The following CSN2 variants were observed in gnomAD, a reference collection of about 807,000 sequenced individuals.
CSN2 encodes the protein beta-casein.
A neutral mutation model predicts 27.3 loss-of-function variants in CSN2; 27 were observed. The ratio of observed to expected loss-of-function variants is 0.99; its 90% CI spans 0.73 to 1.36. CSN2 has a LOEUF of 1.36. Ranked by LOEUF, CSN2 falls within the 40% of genes most tolerant of loss-of-function variation. The probability of loss-of-function intolerance (pLI) is 0.00; values close to 1 mark genes in which losing one functional copy is unlikely to be tolerated. For synonymous variants in CSN2, 131 were observed against 94.8 expected (o/e 1.38, Z -2.22); for missense variants, 333 against 264.5 (o/e 1.26, Z -1.80).
Position 69,960,990 on chromosome 4 carries a change from C to A in CSN2, c.6G>T (p.Lys2Asn), listed in dbSNP as rs775364490. 16 of 1,612,312 alleles carry A rather than the reference C, an allele frequency of 9.9e-6. No homozygotes were observed. Among genetic ancestry groups the A allele is most frequent in the East Asian group, 2.2e-5 (1 of 44,836 alleles). Residue 2 changes from lysine to asparagine, a missense_variant, in exon 2 of 8, where the codon AAG becomes AAT. Coordinates refer to ENST00000353151, the MANE Select transcript of CSN2 (RefSeq NM_001891.4). The stretch of plus-strand genomic sequence containing the variant: ...CCACCAGGCAGGCGAGGATGAGGAC[C>A]TTCATGGCTACTAAGTCCTGTGAAT... Reference protein sequence around the residue: MKVLILACLVAL... With the variant: MNVLILACLVAL...
At chr4:69,960,650 T>C (rs1483473743) in intron 2 of CSN2, among the ~76,000 whole-genome samples, 1 of 151,954 alleles carries the variant, frequency 6.6e-6, no homozygotes, top group Non-Finnish European at 1.5e-5. Context: ...ATCTTTGGAG[T>C]TGTATTTATG....
At chr4:69,955,626 T>C (rs1362422941) in intron 7 of CSN2, 34 bp from the exon 8 acceptor site, 2 of 152,532 alleles carry the variant, frequency 1.3e-5, no homozygotes, top group East Asian at 1.9e-4. Context: ...TAATTAGTTA[T>C]GTTATAACAC....
chr4:69,956,105 T>A (rs1171719297), intron 7 of CSN2, among the ~76,000 whole-genome samples: 1 of 152,016 alleles, frequency 6.6e-6, no homozygotes, highest in Non-Finnish European at 1.5e-5. Flanking sequence ...CTGTCAATAG[T>A]ACATAAATAA....
chr4:69,964,801 T>A (rs1218585117), intron 1 of CSN2, among the ~76,000 whole-genome samples: 2 of 149,582 alleles, frequency 1.3e-5, no homozygotes, highest in African/African-American at 4.9e-5. Flanking sequence ...ATAATTACAA[T>A]GCTAATTTAT....
intron 7 of CSN2, 126 bp from the exon 8 acceptor site, chr4:69,955,718 G>A (rs1723374745): frequency 6.6e-6 from 1 of 152,346 alleles, no homozygotes; most frequent in African/African-American, 2.4e-5. Flanking sequence ...ATTCTGTTGC[G>A]GTTTGGAGGC....
chr4:69,958,495 C>T (rs1056696579), intron 5 of CSN2, among the ~76,000 whole-genome samples: 3 of 151,862 alleles, frequency 2.0e-5, no homozygotes, highest in Admixed American at 2.0e-4. Flanking sequence ...TAATGAAATA[C>T]AGGATTTTGT....
At chr4:69,962,520 C>G (rs1247402726) in intron 1 of CSN2, among the ~76,000 whole-genome samples, 1 of 152,148 alleles carries the variant, frequency 6.6e-6, no homozygotes, top group Non-Finnish European at 1.5e-5. Flanking sequence ...GCTGGGAAAA[C>G]TGGCTAGCCA....
At chr4:69,957,216 T>C in intron 6 of CSN2, 58 bp downstream of exon 6, 1 of 1,426,186 alleles carries the variant, frequency 7.0e-7, no homozygotes, top group Non-Finnish European at 9.4e-7. Flanking sequence ...TATTCTTTTA[T>C]TCTACCATCA....
chr4:69,957,326 T>C lies in CSN2; in HGVS notation c.623A>G (p.His208Arg), dbSNP rs1473712704. ...TGGCTGAGTCACAGGGTAGATCTGGTGGGTGGGGTTAAGTAGAAGTTCTTG... is the reference window on the plus strand; with the variant it reads ...TGGCTGAGTCACAGGGTAGATCTGGCGGGTGGGGTTAAGTAGAAGTTCTTG... Reference protein sequence around the residue: ...LNQELLLNPTHQIYPVTQPLA... With the variant: ...LNQELLLNPTRQIYPVTQPLA... The change falls in exon 6 of 8, where the codon CAC (histidine) becomes CGC (arginine). Residue 208 changes from histidine to arginine, a missense_variant. Coordinates refer to ENST00000353151, the MANE Select transcript of CSN2 (RefSeq NM_001891.4). 1 of 1,573,548 alleles carries C rather than the reference T, an allele frequency of 6.4e-7. No individual in the cohort carries two copies. Among genetic ancestry groups the C allele is most frequent in the Non-Finnish European group, 8.6e-7 (1 of 1,157,942 alleles).
chr4:69,963,779 A>G (rs1723699450), intron 1 of CSN2, among the ~76,000 whole-genome samples: 1 of 152,160 alleles, frequency 6.6e-6, no homozygotes, highest in Non-Finnish European at 1.5e-5. Flanking sequence ...AAAAAGATTT[A>G]TTCATTAACT....
intron 3 of CSN2, 26 bp from the exon 4 acceptor site, chr4:69,959,095 A>T (rs775195419): frequency 7.8e-7 from 1 of 1,288,938 alleles, no homozygotes; most frequent in Admixed American, 2.4e-5. Flanking sequence ...AAATAAAATT[A>T]GGTTTAGTTT....
chr4:69,958,306 C>T (rs986431150), intron 5 of CSN2, among the ~76,000 whole-genome samples: 5 of 152,042 alleles, frequency 3.3e-5, no homozygotes, highest in Admixed American at 6.6e-5. Context: ...AATTTAACAC[C>T]GGCCAAATTC....
rs965981076 is a variant in CSN2, at chr4:69,955,466, CATAAT to C, written c.*158_*162del. 1.1e-3 allele frequency: 172 copies of C among 152,380 alleles called. No individual in the cohort carries two copies. The highest frequency in any genetic ancestry group is 4.0e-3 in the African/African-American group (166 of 41,494). The allele number at this position is 152,380 out of a possible 1,614,324, so 9.4% of individuals were successfully genotyped here. A position where few individuals can be genotyped will look rare whatever the true frequency, so the allele number is the denominator to read the frequency against. Reference sequence around the variant, plus strand: ...GTCAAATTTCAAATTAAATGAATGACATAATATATAAAATAAATAAAGGGACAAAG... The same window carrying C: ...GTCAAATTTCAAATTAAATGAATGACATATAAAATAAATAAAGGGACAAAG... On this transcript the variant is annotated 3_prime_UTR_variant, in exon 8 of 8. Coordinates refer to ENST00000353151, the MANE Select transcript of CSN2 (RefSeq NM_001891.4).
rs146872617 is a variant in CSN2 at position 69,957,745 on chromosome 4, G to A, written c.204C>T (p.Phe68=). 5.0e-5 allele frequency: 81 copies of A among 1,613,946 alleles called. No individual in the cohort carries two copies. Among genetic ancestry groups the A allele is most frequent in the African/African-American group, 6.7e-5 (5 of 75,008 alleles). Residue 68 remains phenylalanine, a synonymous_variant, in exon 6 of 8, where the codon TTC becomes TTT. Coordinates refer to ENST00000353151, the MANE Select transcript of CSN2 (RefSeq NM_001891.4). ...GAAAACCATAGGGGATAGGTTCAAC[G>A]AATGGATAGATCAGAGGCTGTGGCT... ...SFQPQPLIYP[F]VEPIPYGFLP... is the part of the protein sequence containing the mutation.
At chr4:69,964,451 T>G (rs1196724231) in intron 1 of CSN2, among the ~76,000 whole-genome samples, 1 of 152,074 alleles carries the variant, frequency 6.6e-6, no homozygotes, top group Admixed American at 6.6e-5. Flanking sequence ...TTGAACTAAA[T>G]TTTTGAACTA....
chr4:69,963,428 C>T (rs1489967717), intron 1 of CSN2, among the ~76,000 whole-genome samples: 74 of 152,152 alleles, frequency 4.9e-4, no homozygotes, highest in Non-Finnish European at 9.4e-4. Flanking sequence ...GAGTTCATGT[C>T]CTTTGTAGGG....
chr4:69,961,896 A>G (rs1001626875), intron 1 of CSN2, among the ~76,000 whole-genome samples: 1 of 152,206 alleles, frequency 6.6e-6, no homozygotes, highest in Non-Finnish European at 1.5e-5. Flanking sequence ...CTCAGGATAC[A>G]AAATCAATGT....
intron 1 of CSN2, among the ~76,000 whole-genome samples, chr4:69,965,373 T>A (rs1231406842): frequency 8.4e-5 from 12 of 142,586 alleles, no homozygotes; most frequent in African/African-American, 2.8e-4. Flanking sequence ...AAAAAATGAA[T>A]CTCCTTTTAA....
At chr4:69,959,629 A>T (rs2109744278) in intron 3 of CSN2, among the ~76,000 whole-genome samples, 1 of 152,210 alleles carries the variant, frequency 6.6e-6, no homozygotes, top group South Asian at 2.1e-4. Flanking sequence ...TAATTATAAA[A>T]TGTGTCCTTT....
Sources: allele counts gnomAD v4.1 joint callset (sites outside exome capture counted in the v4.1 genomes callset), GRCh38; gene constraint gnomAD v4.1.1; transcripts MANE v1.5; gene names NCBI Gene and HGNC (gene_info 2026-07-23, HGNC 2026-07-21).